HUWE1: variants seen among roughly 807,000 people sequenced by gnomAD.
The protein encoded by HUWE1 is HECT, UBA and WWE domain containing E3 ubiquitin protein ligase 1, also known as E3 ubiquitin-protein ligase HUWE1.
A neutral mutation model predicts 299.4 loss-of-function variants in HUWE1; 18 were observed. The ratio of observed to expected loss-of-function variants is 0.06; its 90% CI spans 0.04 to 0.09. The LOEUF (loss-of-function observed/expected upper bound fraction) is 0.09. HUWE1 is among the 10% of genes least tolerant of loss of function. The pLI is 1.00. For missense variants in HUWE1, 1,832 were observed against 3,462.3 expected, an observed-to-expected ratio of 0.53 and a Z score of 11.82; for synonymous variants, 1,317 against 1,286.1, an observed-to-expected ratio of 1.02 and a Z score of -0.51.
intron 32 of HUWE1, among the ~76,000 whole-genome samples, chrX:53,593,148 C>T (rs782328678): frequency 4.5e-5 from 5 of 112,324 alleles, no homozygotes; most frequent in East Asian, 2.8e-4. Context: ...AATGCAAGAA[C>T]GGCCTAATGC....
chrX:53,622,549 A>G (rs1271665139), intron 19 of HUWE1, among the ~76,000 whole-genome samples: 1 of 111,435 alleles, frequency 9.0e-6, no homozygotes, highest in East Asian at 2.8e-4. Flanking sequence ...GACTCAACTC[A>G]TAGAGGTTAC....
Position 53,568,774 on chromosome X carries a change from T to C in HUWE1, c.6625A>G (p.Met2209Val), listed in dbSNP as rs1556947954. Residue 2209 changes from methionine to valine, a missense_variant, in exon 49 of 84, where the codon ATG (methionine) becomes GTG (valine). This residue lies in a region of HUWE1 where 157 missense variants were observed against 252.3 expected (regional missense o/e 0.62). Transcript: ENST00000262854. ...SATAKTQHNG[M>V]NNIIRLFLKK... ...AGGAAAAGCCGAATGATGTTGTTCA[T>C]GCCATTGTGCTGGGTCTTCGCTGTG... 8.3e-7 allele frequency: 1 copy of C among 1,210,757 alleles called. No individual in the cohort carries two copies. Among genetic ancestry groups the C allele is most frequent in the African/African-American group, 1.7e-5 (1 of 57,798 alleles).
chrX:53,654,621 G>A lies in HUWE1; in HGVS notation c.-24-490C>T, dbSNP rs781807076. Among the ~76,000 whole-genome samples, 44 of 111,375 alleles carry A rather than the reference G, an allele frequency of 4.0e-4. 1 individual carries two copies. The highest frequency in any genetic ancestry group is 6.6e-4 in the Non-Finnish European group (35 of 53,094). On this transcript the variant is annotated intron_variant, in intron 3 of 83. Coordinates refer to ENST00000262854, the MANE Select transcript of HUWE1 (RefSeq NM_031407.7). ...AAAAAGACCTACTGTTCCATCACAA[G>A]GCTAAAAAAAAGATCAAATGTCCAA...
intron 59 of HUWE1, 139 bp downstream of exon 59, chrX:53,558,516 T>C: frequency 1.7e-6 from 1 of 600,262 alleles, no homozygotes; most frequent in South Asian, 2.6e-5. Flanking sequence ...CAATGTATGG[T>C]GAATTTGAAA....
intron 3 of HUWE1, among the ~76,000 whole-genome samples, chrX:53,677,627 A>G (rs1358572489): frequency 1.8e-5 from 2 of 109,236 alleles, no homozygotes; most frequent in Non-Finnish European, 3.8e-5. Context: ...AAAGACCAGG[A>G]GAAACATGCC....
At chrX:53,580,107 A>G (rs182989545) in intron 43 of HUWE1, among the ~76,000 whole-genome samples, 1 of 111,432 alleles carries the variant, frequency 9.0e-6, no homozygotes, top group East Asian at 2.8e-4. Flanking sequence ...TCAAGGACAT[A>G]TATTTTCTTT....
At chrX:53,540,430 G>C (rs2061290021) in intron 74 of HUWE1, among the ~76,000 whole-genome samples, 2 of 110,686 alleles carry the variant, frequency 1.8e-5, no homozygotes, top group Non-Finnish European at 3.8e-5. Flanking sequence ...CTGGGTTCAA[G>C]CGATTCTCCA....
At chrX:53,682,507 T>TG (rs1557053803) in intron 2 of HUWE1, among the ~76,000 whole-genome samples, 1 of 109,298 alleles carries the variant, frequency 9.1e-6, no homozygotes, top group Non-Finnish European at 1.9e-5. Flanking sequence ...AACGGTGGCA[T>TG]GGGGGGAAGA....
At chrX:53,651,480 A>T (rs1876615168) in intron 4 of HUWE1, among the ~76,000 whole-genome samples, 1 of 112,208 alleles carries the variant, frequency 8.9e-6, no homozygotes, top group Non-Finnish European at 1.9e-5. Context: ...TGGTATTTGT[A>T]TATAACCTAT....
intron 2 of HUWE1, chrX:53,684,005 C>T: frequency 3.4e-6 from 1 of 296,960 alleles, no homozygotes; most frequent in Non-Finnish European, 5.9e-6. Flanking sequence ...GAGCCACCGC[C>T]GCCTCCGCGC....
chrX:53,686,710 G>A lies in HUWE1; in HGVS notation c.-384C>T. 1 of 82,821 alleles carries A rather than the reference G, an allele frequency of 1.2e-5. No homozygotes were observed. The highest frequency in any genetic ancestry group is 2.8e-5 in the Non-Finnish European group (1 of 35,904). 6.8% of individuals were successfully genotyped at this position (82,821 alleles called of 1,213,427 possible). A position where few individuals can be genotyped will look rare whatever the true frequency, so the allele number is the denominator to read the frequency against. On this transcript the variant is annotated 5_prime_UTR_variant, in exon 1 of 84. Transcript: ENST00000262854. ...TGCTCCAGCCCTGCTCCCCTCGCTA[G>A]CCCTCAGTCGAAAGCCTCCTCGCTT... is the stretch of plus-strand genomic sequence containing the variant.
intron 31 of HUWE1, among the ~76,000 whole-genome samples, 189 bp downstream of exon 31, chrX:53,594,310 A>C (rs2064334457): frequency 8.9e-6 from 1 of 111,942 alleles, no homozygotes; most frequent in Admixed American, 9.4e-5. Flanking sequence ...GGGGAGGCTA[A>C]ATCCTACCCT....
intron 7 of HUWE1, 142 bp from the exon 8 acceptor site, chrX:53,634,440 T>G (rs1234958683): frequency 2.0e-6 from 1 of 494,024 alleles, no homozygotes; most frequent in Non-Finnish European, 3.6e-6. Context: ...TAAGAGTGTG[T>G]GGCTGCTTGG....
chrX:53,645,035 T>C (rs1569507591), intron 7 of HUWE1, among the ~76,000 whole-genome samples: 1 of 112,353 alleles, frequency 8.9e-6, no homozygotes, highest in Non-Finnish European at 1.9e-5. Flanking sequence ...TCACACAGAA[T>C]TGAATCTAAT....
At chrX:53,600,528 A>G (rs1312704810) in intron 28 of HUWE1, among the ~76,000 whole-genome samples, 2 of 112,542 alleles carry the variant, frequency 1.8e-5, no homozygotes, top group African/African-American at 6.5e-5. Flanking sequence ...ACAGCATATG[A>G]ATAGTATTAA....
intron 19 of HUWE1, among the ~76,000 whole-genome samples, chrX:53,621,699 C>T (rs1228891723): frequency 9.0e-6 from 1 of 111,378 alleles, no homozygotes; most frequent in East Asian, 2.8e-4. Flanking sequence ...TTTCCTGCTT[C>T]CCCTCACTCA....
At chrX:53,629,821 C>G (rs2066749630) in intron 12 of HUWE1, among the ~76,000 whole-genome samples, 1 of 112,094 alleles carries the variant, frequency 8.9e-6, no homozygotes, top group Non-Finnish European at 1.9e-5. Flanking sequence ...TTGACAGATT[C>G]CACTACTAAA....
intron 69 of HUWE1, 35 bp from the exon 70 acceptor site, chrX:53,546,627 C>T (rs1556923121): frequency 8.3e-7 from 1 of 1,207,135 alleles, no homozygotes; most frequent in African/African-American, 1.8e-5. Flanking sequence ...TAAGCCCCAG[C>T]CTGAGAACAA....
chrX:53,653,922 C>A, intron 4 of HUWE1, 141 bp downstream of exon 4: 1 of 470,663 alleles, frequency 2.1e-6, no homozygotes, highest in Non-Finnish European at 3.6e-6. Flanking sequence ...GAAAATCTTA[C>A]TGTTTCTAGA....
Sources: gnomAD v4.1 joint callset for allele counts (sites outside exome capture counted in the v4.1 genomes callset) on GRCh38, gnomAD v4.1.1 for gene constraint, gnomAD v4.1.1 regional missense constraint, MANE v1.5 for transcripts, NCBI Gene and HGNC (gene_info 2026-07-23, HGNC 2026-07-21) for gene names.